The following MPP7 variants were observed in gnomAD, a reference collection of about 807,000 sequenced individuals.
The protein encoded by MPP7 is MAGUK p55 scaffold protein 7, also known as MAGUK p55 subfamily member 7.
Under a neutral mutation model 76.5 loss-of-function variants are expected in MPP7, and 60 were observed. The observed-to-expected ratio is 0.78, with a 90% CI of 0.64 to 0.97. The LOEUF (loss-of-function observed/expected upper bound fraction) is 0.97. MPP7 is among the 50% of genes least tolerant of loss of function. MPP7 has a pLI of 0.00. For missense variants in MPP7, 641 were observed against 694.0 expected (o/e 0.92, Z 0.86); for synonymous variants, 237 against 244.5 (o/e 0.97, Z 0.29).
chr10:28,226,598 G>A (rs2134090774), intron 2 of MPP7, among the ~76,000 whole-genome samples: 1 of 152,230 alleles, frequency 6.6e-6, no homozygotes, highest in South Asian at 2.1e-4. Context: ...TGAAAAGAAT[G>A]TTTAGGAAGC....
chr10:28,194,141 A>G (rs2133956591), intron 3 of MPP7, among the ~76,000 whole-genome samples: 1 of 152,258 alleles, frequency 6.6e-6, no homozygotes, highest in Admixed American at 6.5e-5. Flanking sequence ...CAGCTTCTCA[A>G]GTAGCTGGGA....
At chr10:28,065,783 C>T (rs1851967647) in intron 13 of MPP7, among the ~76,000 whole-genome samples, 1 of 151,978 alleles carries the variant, frequency 6.6e-6, no homozygotes, top group Admixed American at 6.6e-5. Context: ...TTGTCTAGAA[C>T]ATGGATGCTT....
intron 13 of MPP7, among the ~76,000 whole-genome samples, chr10:28,062,531 A>AC (rs1851828914): frequency 7.6e-6 from 1 of 132,298 alleles, no homozygotes; most frequent in Non-Finnish European, 1.6e-5. Context: ...CATAATAGTA[A>AC]ACACACACAC....
At chr10:28,129,486 T>C (rs1047548654) in intron 6 of MPP7, among the ~76,000 whole-genome samples, 1 of 151,884 alleles carries the variant, frequency 6.6e-6, no homozygotes, top group African/African-American at 2.4e-5. Flanking sequence ...AACAAAAAAT[T>C]TATCTCCTAT....
At chr10:28,203,264 A>C (rs1837839848) in intron 2 of MPP7, 1 of 152,210 alleles carries the variant, frequency 6.6e-6, no homozygotes, top group Non-Finnish European at 1.5e-5. Flanking sequence ...GCTGCTGTTC[A>C]TCACAGGGAC....
intron 6 of MPP7, among the ~76,000 whole-genome samples, chr10:28,125,415 G>GT (rs200732901): frequency 6.6e-6 from 1 of 151,896 alleles, no homozygotes. Context: ...ATGCTGTTTG[G>GT]TTTTTATCCT....
At position 28,238,631 on chromosome 10, in the gene MPP7, C is replaced by A; in HGVS notation, c.-27G>T. The A allele has an allele frequency of 3.7e-6, 6 of 1,613,820 alleles. No homozygotes were observed. The highest frequency in any genetic ancestry group is 5.1e-6 in the Non-Finnish European group (6 of 1,179,808). On this transcript the variant is annotated 5_prime_UTR_variant, in exon 2 of 17. Coordinates refer to ENST00000683449, the MANE Select transcript of MPP7 (RefSeq NM_001318170.2). ...ATGCAAGGTGTAGGAACAGGTCAGCCCACCGCTCTCCGGACACCCTGCCTT... is the reference window on the plus strand; with the variant it reads ...ATGCAAGGTGTAGGAACAGGTCAGCACACCGCTCTCCGGACACCCTGCCTT...
chr10:28,218,112 T>C (rs1838375546), intron 2 of MPP7, among the ~76,000 whole-genome samples: 1 of 152,170 alleles, frequency 6.6e-6, no homozygotes, highest in African/African-American at 2.4e-5. Flanking sequence ...TAGATAACAG[T>C]TGAAAGTAGC....
intron 13 of MPP7, among the ~76,000 whole-genome samples, chr10:28,069,182 A>C (rs948722503): frequency 1.3e-5 from 2 of 152,232 alleles, no homozygotes; most frequent in African/African-American, 4.8e-5. Context: ...ACTATAGTCA[A>C]TAACAACTTA....
intron 1 of MPP7, among the ~76,000 whole-genome samples, chr10:28,250,365 T>C (rs1285752969): frequency 6.6e-6 from 1 of 152,204 alleles, no homozygotes; most frequent in Admixed American, 6.5e-5. Flanking sequence ...TCTACTTTTC[T>C]ATATATCTTG....
intron 2 of MPP7, among the ~76,000 whole-genome samples, chr10:28,213,088 C>G (rs1258408694): frequency 6.6e-6 from 1 of 152,070 alleles, no homozygotes; most frequent in East Asian, 1.9e-4. Context: ...TATAGGCATG[C>G]TCCCCTAGAT....
At chr10:28,288,934 G>T (rs1237462658) in intron 1 of MPP7, among the ~76,000 whole-genome samples, 2 of 152,128 alleles carry the variant, frequency 1.3e-5, no homozygotes, top group African/African-American at 2.4e-5. Flanking sequence ...AAGACCTCGG[G>T]TGGGGGAAGT....
chr10:28,156,928 G>A (rs1473702840), intron 3 of MPP7, among the ~76,000 whole-genome samples: 1 of 152,082 alleles, frequency 6.6e-6, no homozygotes, highest in East Asian at 1.9e-4. Flanking sequence ...AAGAGTAATC[G>A]GCCAGGTGTG....
rs151288744 is a variant in MPP7, at chr10:28,259,956, C to A, written c.-131-21221G>T. ...CATGATTGTGCCACTGCACTCCAGC[C>A]TGGGTGACAGAGCAAGAGTCTGTCA... On this transcript the variant is annotated intron_variant, in intron 1 of 16. Coordinates refer to ENST00000683449, the MANE Select transcript of MPP7 (RefSeq NM_001318170.2). 5.3e-3 allele frequency among the ~76,000 whole-genome samples: 809 copies of A among 152,234 alleles called. 10 individuals are homozygous for A. Among genetic ancestry groups the A allele is most frequent in the African/African-American group, 0.019 (792 of 41,526 alleles).
chr10:28,153,401 T>C (rs1013151592), intron 3 of MPP7, among the ~76,000 whole-genome samples: 2 of 152,298 alleles, frequency 1.3e-5, no homozygotes, highest in Non-Finnish European at 2.9e-5. Context: ...TAATTTTATA[T>C]AACAGTTATT....
intron 1 of MPP7, among the ~76,000 whole-genome samples, chr10:28,277,867 G>A (rs1469934417): frequency 6.6e-5 from 10 of 151,984 alleles, no homozygotes; most frequent in Admixed American, 1.3e-4. Flanking sequence ...TAAGTCCACG[G>A]TTCCAAATCT....
chr10:28,056,692 A>G, intron 15 of MPP7, 69 bp from the exon 16 acceptor site: 2 of 1,384,390 alleles, frequency 1.4e-6, no homozygotes, highest in African/African-American at 1.5e-5. Flanking sequence ...TTTTCTTTCT[A>G]GGAGAAAATT....
Position 28,095,222 on chromosome 10 carries a change from T to TATATATATATATATATAC in MPP7, c.953-5382_953-5381insGTATATATATATATATAT, listed in dbSNP as rs775763967. Among the ~76,000 whole-genome samples, 327 of 136,578 alleles carry TATATATATATATATATAC rather than the reference T, an allele frequency of 2.4e-3. 5 individuals carry two copies. Among genetic ancestry groups the TATATATATATATATATAC allele is most frequent in the East Asian group, 0.015 (67 of 4,384 alleles). 89.6% of individuals were successfully genotyped at this position (136,578 alleles called of 152,430 possible). A position where few individuals can be genotyped will look rare whatever the true frequency, so the allele number is the denominator to read the frequency against. The stretch of plus-strand genomic sequence containing the variant: ...ATATATATATATATATATATATATA[T>TATATATATATATATATAC]ACAGAAACATATATACATGTACAGA... On this transcript the variant is annotated intron_variant, in intron 11 of 16. Transcript: ENST00000683449.
In MPP7 at chr10:28,053,837, A is replaced by G; in HGVS notation, c.*228T>C. The stretch of plus-strand genomic sequence containing the variant: ...GTATTGAAGACAACGAGAAGGTTTG[A>G]GGTTTTGCTTAGAATACAGTACTGT... On this transcript the variant is annotated 3_prime_UTR_variant, in exon 17 of 17. Transcript: ENST00000683449. 1.9e-6 allele frequency: 1 copy of G among 517,378 alleles called. No homozygotes were observed. 32.0% of individuals were successfully genotyped at this position (517,378 alleles called of 1,614,324 possible).
Sources: allele counts gnomAD v4.1 joint callset (sites outside exome capture counted in the v4.1 genomes callset), GRCh38; gene constraint gnomAD v4.1.1; transcripts MANE v1.5; gene names NCBI Gene and HGNC (gene_info 2026-07-23, HGNC 2026-07-21).